The following SIPA1L1 variants were observed in gnomAD, a reference collection of about 807,000 sequenced individuals.
The protein encoded by SIPA1L1 is signal induced proliferation associated 1 like 1.
In SIPA1L1, 26 loss-of-function variants were observed where a neutral mutation model predicts 162.7. The ratio of observed to expected loss-of-function variants is 0.16; its 90% CI spans 0.12 to 0.22. The LOEUF (loss-of-function observed/expected upper bound fraction) is 0.22, where lower values mean the gene tolerates loss of function less well. Among genes scored for constraint, SIPA1L1 ranks in the 10% least tolerant of loss-of-function variants. The probability of loss-of-function intolerance (pLI) is 1.00; values close to 1 mark genes in which losing one functional copy is unlikely to be tolerated. For synonymous variants in SIPA1L1, 829 were observed against 837.4 expected, an observed-to-expected ratio of 0.99 and a Z score of 0.17; for missense variants, 1,874 against 2,241.0, an observed-to-expected ratio of 0.84 and a Z score of 3.31.
At chr14:71,606,290 G>A (rs2037488902) in intron 5 of SIPA1L1, among the ~76,000 whole-genome samples, 2 of 152,268 alleles carry the variant, frequency 1.3e-5, no homozygotes, top group Admixed American at 1.3e-4. Flanking sequence ...CTGGGCATGT[G>A]AAAATGGGTG....
chr14:71,491,686 TCAGCCTGC>T (rs2049267953), intron 2 of SIPA1L1, among the ~76,000 whole-genome samples: 1 of 150,860 alleles, frequency 6.6e-6, no homozygotes, highest in South Asian at 2.1e-4. Context: ...AGTCAAATGC[TCAGCCTGC>T]CTTGGCTTCC....
At chr14:71,356,565 T>TAAAAAAAAAAAA (rs1394904078) in intron 2 of SIPA1L1, among the ~76,000 whole-genome samples, 1 of 2,918 alleles carries the variant, frequency 3.4e-4, no homozygotes, top group African/African-American at 3.6e-3. Flanking sequence ...ACCTTGTCTC[T>TAAAAAAAAAAAA]ACAAAAAAAA....
chr14:71,590,900 G>T (rs1411170366), intron 5 of SIPA1L1, among the ~76,000 whole-genome samples: 1 of 152,024 alleles, frequency 6.6e-6, no homozygotes, highest in Admixed American at 6.6e-5. Flanking sequence ...CACTATTAAT[G>T]CCAGTAGGTT....
chr14:71,631,951 A>G (rs1019184078), intron 7 of SIPA1L1, among the ~76,000 whole-genome samples: 3 of 152,244 alleles, frequency 2.0e-5, no homozygotes, highest in African/African-American at 7.2e-5. Context: ...AATGTGAATT[A>G]GAACAATTTT....
At chr14:71,618,041 G>T (rs1452231701) in intron 5 of SIPA1L1, among the ~76,000 whole-genome samples, 1 of 152,186 alleles carries the variant, frequency 6.6e-6, no homozygotes, top group Non-Finnish European at 1.5e-5. Context: ...GGTAAATTCA[G>T]CGCCAGTCCT....
chr14:71,716,227 G>T (rs2083263159), intron 17 of SIPA1L1, among the ~76,000 whole-genome samples: 1 of 152,178 alleles, frequency 6.6e-6, no homozygotes, highest in East Asian at 1.9e-4. Flanking sequence ...GAACTGGCTA[G>T]TGCTGAACAC....
intron 3 of SIPA1L1, among the ~76,000 whole-genome samples, chr14:71,516,911 T>C (rs1013374965): frequency 6.6e-6 from 1 of 152,160 alleles, no homozygotes; most frequent in Non-Finnish European, 1.5e-5. Context: ...AGGTGGAGAT[T>C]GCAGTGAGCT....
chr14:71,654,861 T>C (rs999507633), intron 8 of SIPA1L1, among the ~76,000 whole-genome samples: 1 of 152,114 alleles, frequency 6.6e-6, no homozygotes, highest in African/African-American at 2.4e-5. Context: ...TTCCTGATAG[T>C]CATTCTATTA....
At chr14:71,326,776 A>G (rs2033863280) in intron 2 of SIPA1L1, among the ~76,000 whole-genome samples, 1 of 132,942 alleles carries the variant, frequency 7.5e-6, no homozygotes, top group African/African-American at 2.9e-5. Flanking sequence ...CAGTGACACC[A>G]TCTCTGCTCA....
intron 5 of SIPA1L1, among the ~76,000 whole-genome samples, chr14:71,608,513 TAA>T (rs1463508906): frequency 1.3e-5 from 2 of 152,176 alleles, no homozygotes; most frequent in South Asian, 4.1e-4. Flanking sequence ...ACATTAAAAA[TAA>T]AAAGTTGCAT....
chr14:71,457,035 G>A (rs1293179788), intron 2 of SIPA1L1, among the ~76,000 whole-genome samples: 2 of 152,160 alleles, frequency 1.3e-5, no homozygotes, highest in Non-Finnish European at 2.9e-5. Flanking sequence ...TACTGCCTTG[G>A]CCTCCCAAAG....
chr14:71,673,094 C>G (rs1030909628), intron 12 of SIPA1L1, among the ~76,000 whole-genome samples: 2 of 152,182 alleles, frequency 1.3e-5, no homozygotes, highest in Non-Finnish European at 2.9e-5. Flanking sequence ...AGCTGCTTTC[C>G]TAACTGTATC....
intron 4 of SIPA1L1, among the ~76,000 whole-genome samples, chr14:71,583,334 A>G (rs2034184425): frequency 6.6e-6 from 1 of 152,132 alleles, no homozygotes; most frequent in Non-Finnish European, 1.5e-5. Flanking sequence ...TCTCTGAATT[A>G]TTGGGGCATT....
chr14:71,581,632 T>A (rs184177188), intron 4 of SIPA1L1, among the ~76,000 whole-genome samples: 13 of 152,338 alleles, frequency 8.5e-5, no homozygotes, highest in African/African-American at 3.1e-4. Context: ...TAAGTTTTTT[T>A]AATGTATTTT....
Position 71,587,597 on chromosome 14 carries a change from A to G in SIPA1L1, c.-276A>G. 2.3e-6 allele frequency: 1 copy of G among 430,254 alleles called. No homozygotes were observed. The highest frequency in any genetic ancestry group is 3.3e-5 in the East Asian group (1 of 30,484). The allele number at this position is 430,254 out of a possible 1,614,324, so 26.7% of individuals were successfully genotyped here. Reference sequence around the variant, plus strand: ...GAAAGCATGGGATTATGGCAACCACAGAATCTCAGTAGTACAAGTTCCATT... The same window carrying G: ...GAAAGCATGGGATTATGGCAACCACGGAATCTCAGTAGTACAAGTTCCATT... On this transcript the variant is annotated 5_prime_UTR_variant, in exon 5 of 24. Transcript: ENST00000381232.
At chr14:71,644,418 A>T (rs2041986163) in intron 7 of SIPA1L1, among the ~76,000 whole-genome samples, 1 of 151,774 alleles carries the variant, frequency 6.6e-6, no homozygotes, top group African/African-American at 2.4e-5. Context: ...TTTTAATTTT[A>T]CAGAGACAGG....
intron 19 of SIPA1L1, among the ~76,000 whole-genome samples, chr14:71,727,999 G>A (rs890575850): frequency 2.6e-5 from 4 of 152,174 alleles, no homozygotes; most frequent in African/African-American, 9.6e-5. Flanking sequence ...GCTGTTCATG[G>A]CCTTGAAGCA....
intron 7 of SIPA1L1, among the ~76,000 whole-genome samples, chr14:71,646,937 A>C (rs566100088): frequency 6.6e-6 from 1 of 152,174 alleles, no homozygotes; most frequent in African/African-American, 2.4e-5. Flanking sequence ...AAGCAATCCA[A>C]AATCCCCACA....
chr14:71,351,968 A>G (rs751907951), intron 2 of SIPA1L1, among the ~76,000 whole-genome samples: 1 of 150,884 alleles, frequency 6.6e-6, no homozygotes, highest in Admixed American at 6.6e-5. Context: ...TTTGTAAAAT[A>G]TATCTAGTAT....
Sources: gnomAD v4.1 joint callset for allele counts (sites outside exome capture counted in the v4.1 genomes callset) on GRCh38, gnomAD v4.1.1 for gene constraint, MANE v1.5 for transcripts, NCBI Gene and HGNC (gene_info 2026-07-23, HGNC 2026-07-21) for gene names.